Variants in PLCL2 observed in about 807,000 individuals in gnomAD.
The protein encoded by PLCL2 is inactive phospholipase C-like protein 2.
In PLCL2, 4 loss-of-function variants were observed where a neutral mutation model predicts 79.6. The ratio of observed to expected loss-of-function variants is 0.05; its 90% CI spans 0.02 to 0.11. PLCL2 has a LOEUF of 0.11. Among genes scored for constraint, PLCL2 ranks in the 10% least tolerant of loss-of-function variants. PLCL2 has a pLI of 1.00. For missense variants in PLCL2, 895 were observed against 1,291.0 expected (o/e 0.69, Z 4.70); for synonymous variants, 484 against 457.7 (o/e 1.06, Z -0.73).
chr3:17,072,313 G>A (rs968644823), intron 5 of PLCL2, among the ~76,000 whole-genome samples: 3 of 152,104 alleles, frequency 2.0e-5, no homozygotes, highest in African/African-American at 7.2e-5. Flanking sequence ...AAGTCATTTT[G>A]CTGGGTATTT....
Position 16,968,899 on chromosome 3 carries a change from G to C in PLCL2, c.328-40775G>C, listed in dbSNP as rs114329126. Among the ~76,000 whole-genome samples the C allele has an allele frequency of 3.8e-3, 583 of 152,172 alleles. 3 individuals are homozygous for C. The highest frequency in any genetic ancestry group is 0.014 in the African/African-American group (565 of 41,546). On this transcript the variant is annotated intron_variant, in intron 1 of 5. Coordinates refer to ENST00000615277, the MANE Select transcript of PLCL2 (RefSeq NM_001144382.2). ...GGCCGTGGGTTTGTTATAGATGGCTGTTATTATTTTGAGGTATATTCTTTC... is the reference window on the plus strand; with the variant it reads ...GGCCGTGGGTTTGTTATAGATGGCTCTTATTATTTTGAGGTATATTCTTTC...
At position 16,887,110 on chromosome 3, in the gene PLCL2, G is replaced by A. The variant is rs1370031752; in HGVS notation, c.327+1744G>A. ...TTCTGATATATGGAATTGGGAACTT[G>A]TCAATAGATACCATTTCTTAATTGA... On this transcript the variant is annotated intron_variant, in intron 1 of 5. Transcript: ENST00000615277. The surrounding 1 kb of genome is among the most constrained non-coding windows in gnomAD (Gnocchi z 4.1). 6.6e-6 allele frequency among the ~76,000 whole-genome samples: 1 copy of A among 152,176 alleles called. No homozygotes were observed. The highest frequency in any genetic ancestry group is 2.4e-5 in the African/African-American group (1 of 41,434).
chr3:17,086,462 A>G (rs976738193), intron 5 of PLCL2, among the ~76,000 whole-genome samples: 1 of 152,240 alleles, frequency 6.6e-6, no homozygotes, highest in African/African-American at 2.4e-5. Context: ...TAAAGATAAA[A>G]CACAAAGCTA....
At chr3:17,079,159 G>T (rs537751682) in intron 5 of PLCL2, among the ~76,000 whole-genome samples, 1 of 152,048 alleles carries the variant, frequency 6.6e-6, no homozygotes, top group Non-Finnish European at 1.5e-5. Flanking sequence ...GGGCTCTCAC[G>T]CCCATGGCCC....
chr3:17,005,703 A>G (rs1047241543), intron 1 of PLCL2, among the ~76,000 whole-genome samples: 2 of 152,202 alleles, frequency 1.3e-5, no homozygotes, highest in Non-Finnish European at 2.9e-5. Context: ...CTAATGTACA[A>G]ATGAACCTTT....
chr3:16,908,651 C>T (rs1400918139), intron 1 of PLCL2, among the ~76,000 whole-genome samples: 3 of 152,058 alleles, frequency 2.0e-5, no homozygotes, highest in Non-Finnish European at 4.4e-5. Flanking sequence ...CAGCATAAGC[C>T]GGGACCCGTG....
chr3:16,904,098 G>A (rs1696693735), intron 1 of PLCL2, among the ~76,000 whole-genome samples: 2 of 152,262 alleles, frequency 1.3e-5, no homozygotes, highest in African/African-American at 4.8e-5. Context: ...CCTAGATGTT[G>A]GGTAGCTAAT....
intron 3 of PLCL2, among the ~76,000 whole-genome samples, chr3:17,024,220 C>T (rs547587833): frequency 3.3e-5 from 5 of 152,170 alleles, no homozygotes; most frequent in Admixed American, 6.5e-5. Context: ...AACATTTTTT[C>T]GTAGAGCATC....
Position 17,068,027 on chromosome 3 carries a change from G to A in PLCL2, c.3166G>A (p.Ala1056Thr). Residue 1056 changes from alanine (A) to threonine (T), a missense_variant, in exon 5 of 6, where the codon GCA (alanine) becomes ACA (threonine). By Grantham distance (58) the Ala-to-Thr change is moderately conservative. Around this residue, in one of 6 missense-constraint regions of PLCL2, gnomAD observed 298 missense variants for 459.6 expected, o/e 0.65. Coordinates refer to ENST00000615277, the MANE Select transcript of PLCL2 (RefSeq NM_001144382.2). The stretch of plus-strand genomic sequence containing the variant: ...TTTGAAGGAAAGAAAACTACAAAAA[G>A]CAGTGGAGAGCTTTACCTGGAATAT... ...EGLKERKLQK[A>T]VESFTWNITI... The A allele has an allele frequency of 6.2e-7, 1 of 1,610,172 alleles. No individual in the cohort carries two copies. The highest frequency in any genetic ancestry group is 8.5e-7 in the Non-Finnish European group (1 of 1,176,604).
chr3:16,957,136 G>T (rs1415134429), intron 1 of PLCL2, among the ~76,000 whole-genome samples: 1 of 151,868 alleles, frequency 6.6e-6, no homozygotes, highest in Non-Finnish European at 1.5e-5. Context: ...GTCAATTTTG[G>T]ATCTTTCCTG....
At chr3:17,043,071 T>C (rs1029300089) in intron 4 of PLCL2, 122 bp downstream of exon 4, 14 of 684,166 alleles carry the variant, frequency 2.0e-5, no homozygotes, top group African/African-American at 1.4e-4. Flanking sequence ...TATTTTTCTA[T>C]GGCTAAAGAA....
intron 1 of PLCL2, among the ~76,000 whole-genome samples, chr3:16,992,214 G>T (rs549045248): frequency 6.6e-6 from 1 of 152,132 alleles, no homozygotes; most frequent in East Asian, 1.9e-4. Context: ...GGGTGGAGTG[G>T]TGATGGCCCT....
At chr3:16,998,263 A>G (rs981404247) in intron 1 of PLCL2, among the ~76,000 whole-genome samples, 31 of 152,182 alleles carry the variant, frequency 2.0e-4, no homozygotes, top group Non-Finnish European at 4.4e-4. Flanking sequence ...AAGAAAATTA[A>G]TGATTGAGAA....
intron 1 of PLCL2, among the ~76,000 whole-genome samples, chr3:16,925,841 A>G (rs1697235749): frequency 6.6e-6 from 1 of 152,242 alleles, no homozygotes; most frequent in African/African-American, 2.4e-5. Flanking sequence ...TCATTAGTAT[A>G]CAAGTTTTTG....
chr3:16,899,989 G>C (rs13065811), intron 1 of PLCL2, among the ~76,000 whole-genome samples: 123,996 of 152,042 alleles, frequency 0.82, 50,905 homozygotes, highest in East Asian at 0.95. Flanking sequence ...TTGGTTCACT[G>C]TGGCTTTGGT....
intron 4 of PLCL2, among the ~76,000 whole-genome samples, chr3:17,067,144 G>C (rs920916874): frequency 3.3e-5 from 5 of 151,954 alleles, no homozygotes; most frequent in African/African-American, 1.2e-4. Context: ...TATTCCAGCT[G>C]ACCCTAGAAC....
chr3:16,941,663 A>G (rs2063547952), intron 1 of PLCL2, among the ~76,000 whole-genome samples: 1 of 152,218 alleles, frequency 6.6e-6, no homozygotes, highest in African/African-American at 2.4e-5. Flanking sequence ...TCTCAGCACA[A>G]ACTTCATCTT....
intron 3 of PLCL2, among the ~76,000 whole-genome samples, chr3:17,019,020 T>C (rs529470826): frequency 1.2e-4 from 18 of 152,278 alleles, no homozygotes; most frequent in African/African-American, 4.3e-4. Flanking sequence ...AGACAATAGA[T>C]AGTAAATAGA....
chr3:16,973,354 A>AC (rs1408722017), intron 1 of PLCL2, among the ~76,000 whole-genome samples: 5 of 125,666 alleles, frequency 4.0e-5, no homozygotes, highest in African/African-American at 1.2e-4. Flanking sequence ...CCTGCCTTTA[A>AC]CTTTTTTTTT....
Sources: gnomAD v4.1 joint callset for allele counts (sites outside exome capture counted in the v4.1 genomes callset) on GRCh38, gnomAD v4.1.1 for gene constraint, gnomAD v4.1.1 regional missense constraint, Gnocchi (gnomAD v3.1) non-coding constraint, MANE v1.5 for transcripts, NCBI Gene and HGNC (gene_info 2026-07-23, HGNC 2026-07-21) for gene names.